The following TNKS variants were observed in gnomAD, a reference collection of about 807,000 sequenced individuals.
TNKS encodes tankyrase, also known as poly [ADP-ribose] polymerase tankyrase-1.
TNKS carries 72 observed loss-of-function variants against 135.8 expected under a neutral mutation model. The ratio of observed to expected loss-of-function variants is 0.53; its 90% CI spans 0.44 to 0.64. The LOEUF (loss-of-function observed/expected upper bound fraction) is 0.64. Among genes scored for constraint, TNKS ranks in the 30% least tolerant of loss-of-function variants. TNKS has a pLI of 0.00. For missense variants in TNKS, 1,769 were observed against 1,674.0 expected (o/e 1.06, Z -0.99); for synonymous variants, 849 against 649.3 (o/e 1.31, Z -4.68).
Position 9,679,910 on chromosome 8 carries a change from T to C in TNKS, c.995-41T>C, listed in dbSNP as rs756356917. 9.0e-6 allele frequency: 14 copies of C among 1,558,344 alleles called. No homozygotes were observed. The South Asian group carries it at 1.6e-4, about 17-fold the overall frequency. Reference sequence around the variant, plus strand: ...GCCTACTGCATTTCTTAATCTGTCTTCTGCCAAATGCTAACAGCATGATAT... The same window carrying C: ...GCCTACTGCATTTCTTAATCTGTCTCCTGCCAAATGCTAACAGCATGATAT... On this transcript the variant is annotated intron_variant, in intron 3 of 26. Coordinates refer to ENST00000310430, the MANE Select transcript of TNKS (RefSeq NM_003747.3).
At chr8:9,640,322 C>A (rs748298868) in intron 3 of TNKS, among the ~76,000 whole-genome samples, 1 of 151,854 alleles carries the variant, frequency 6.6e-6, no homozygotes, top group Non-Finnish European at 1.5e-5. Context: ...TGGCATTAAT[C>A]CATTCATGAG....
At chr8:9,602,176 C>T (rs573793928) in intron 2 of TNKS, among the ~76,000 whole-genome samples, 5 of 152,106 alleles carry the variant, frequency 3.3e-5, no homozygotes, top group Admixed American at 1.3e-4. Flanking sequence ...ACAGACAAGC[C>T]GTGGCAAAAG....
At chr8:9,754,577 G>A (rs10104884) in intron 20 of TNKS, among the ~76,000 whole-genome samples, 3,746 of 151,952 alleles carry the variant, frequency 0.025, 151 homozygotes, top group African/African-American at 0.083. Flanking sequence ...AAGAACAGCC[G>A]AGTAGGGATA....
chr8:9,751,998 A>T, intron 19 of TNKS, 152 bp downstream of exon 19: 1 of 709,968 alleles, frequency 1.4e-6, no homozygotes, highest in East Asian at 2.7e-5. Context: ...ATATTTCTTC[A>T]TAGAAGGCTG....
chr8:9,569,371 T>C (rs929731856), intron 1 of TNKS, among the ~76,000 whole-genome samples: 1 of 152,226 alleles, frequency 6.6e-6, no homozygotes, highest in Admixed American at 6.5e-5. Flanking sequence ...GAACATTATC[T>C]GCAATCCATA....
intron 2 of TNKS, among the ~76,000 whole-genome samples, chr8:9,601,937 G>A (rs748201818): frequency 1.3e-5 from 2 of 152,072 alleles, no homozygotes; most frequent in Non-Finnish European, 2.9e-5. Flanking sequence ...TCAGAGGCCC[G>A]GGAGAAGCCT....
At chr8:9,578,133 G>C (rs1038543042) in intron 1 of TNKS, among the ~76,000 whole-genome samples, 13 of 152,184 alleles carry the variant, frequency 8.5e-5, no homozygotes, top group African/African-American at 3.1e-4. Context: ...CTGTGGCTTT[G>C]CAGGAGTCAG....
chr8:9,720,281 T>G (rs960485168), intron 11 of TNKS, 93 bp from the exon 12 acceptor site: 1 of 1,144,490 alleles, frequency 8.7e-7, no homozygotes, highest in South Asian at 2.0e-5. Context: ...GCTTTGAAAG[T>G]TGATTTTTTT....
chr8:9,702,036 A>G (rs1455058921), intron 5 of TNKS, among the ~76,000 whole-genome samples: 1 of 152,202 alleles, frequency 6.6e-6, no homozygotes, highest in Non-Finnish European at 1.5e-5. Context: ...GGTGTCATCA[A>G]AGGACAATGC....
chr8:9,658,119 G>T (rs1262664731), intron 3 of TNKS, among the ~76,000 whole-genome samples: 1 of 105,364 alleles, frequency 9.5e-6, no homozygotes, highest in African/African-American at 3.7e-5. Context: ...TTCCTAGATG[G>T]GATGGCGGCC....
At chr8:9,710,243 G>A in intron 11 of TNKS, 23 bp downstream of exon 11, 2 of 1,612,864 alleles carry the variant, frequency 1.2e-6, no homozygotes, top group Non-Finnish European at 1.7e-6. Context: ...CCTGAGCAGA[G>A]TGCCAGACTC....
At chr8:9,713,567 A>T (rs1164045439) in intron 11 of TNKS, among the ~76,000 whole-genome samples, 1 of 152,218 alleles carries the variant, frequency 6.6e-6, no homozygotes, top group Non-Finnish European at 1.5e-5. Flanking sequence ...ACTTAGAAGA[A>T]CTTCTAGACT....
At chr8:9,600,098 C>T (rs1023183577) in intron 2 of TNKS, among the ~76,000 whole-genome samples, 1 of 152,016 alleles carries the variant, frequency 6.6e-6, no homozygotes, top group Non-Finnish European at 1.5e-5. Context: ...ATATTATCTC[C>T]TGATTTACAG....
At chr8:9,576,726 G>T (rs553370452) in intron 1 of TNKS, among the ~76,000 whole-genome samples, 2 of 152,068 alleles carry the variant, frequency 1.3e-5, no homozygotes, top group East Asian at 3.9e-4. Context: ...ATGAGATTTG[G>T]GTGGGGACAC....
chr8:9,587,602 C>T (rs568935417), intron 2 of TNKS, among the ~76,000 whole-genome samples: 3 of 151,972 alleles, frequency 2.0e-5, no homozygotes, highest in African/African-American at 4.8e-5. Flanking sequence ...CGGGGTTTCA[C>T]CATGTTAGCC....
At chr8:9,686,260 G>A (rs1334864741) in intron 5 of TNKS, among the ~76,000 whole-genome samples, 1 of 152,140 alleles carries the variant, frequency 6.6e-6, no homozygotes. Flanking sequence ...AGGTCCACAT[G>A]AAGAACTGAG....
At chr8:9,764,102 G>A (rs1563218980) in intron 22 of TNKS, among the ~76,000 whole-genome samples, 1 of 152,054 alleles carries the variant, frequency 6.6e-6, no homozygotes, top group Non-Finnish European at 1.5e-5. Flanking sequence ...CTTCACAAGT[G>A]GAGCAGTAAG....
intron 25 of TNKS, among the ~76,000 whole-genome samples, chr8:9,768,226 C>G (rs1296636050): frequency 6.6e-6 from 1 of 152,120 alleles, no homozygotes; most frequent in Admixed American, 6.5e-5. Context: ...AGTGCAGCCC[C>G]AGGGAAGCAG....
intron 1 of TNKS, among the ~76,000 whole-genome samples, chr8:9,570,961 C>T (rs1797732841): frequency 6.6e-6 from 1 of 152,086 alleles, no homozygotes; most frequent in African/African-American, 2.4e-5. Context: ...AGAGTAAGAC[C>T]TGTCTCTTAA....
Sources: allele counts gnomAD v4.1 joint callset (sites outside exome capture counted in the v4.1 genomes callset), GRCh38; gene constraint gnomAD v4.1.1; transcripts MANE v1.5; gene names NCBI Gene and HGNC (gene_info 2026-07-23, HGNC 2026-07-21).